The following DDX60L variants were observed in gnomAD, a reference collection of about 807,000 sequenced individuals.
DDX60L encodes the protein DExD/H-box 60 like.
DDX60L carries 191 observed loss-of-function variants against 211.6 expected under a neutral mutation model. The observed-to-expected ratio is 0.90, with a 90% confidence interval of 0.80 to 1.02. DDX60L has a LOEUF of 1.02. Ranked by LOEUF, DDX60L falls within the 50% of genes least tolerant of loss-of-function variation. The pLI is 0.00. For missense variants in DDX60L, 2,007 were observed against 1,984.1 expected, an observed-to-expected ratio of 1.01 and a Z score of -0.22; for synonymous variants, 706 against 694.1, an observed-to-expected ratio of 1.02 and a Z score of -0.27.
At chr4:168,452,085 G>A (rs769906043) in intron 8 of DDX60L, among the ~76,000 whole-genome samples, 1 of 152,122 alleles carries the variant, frequency 6.6e-6, no homozygotes, top group Non-Finnish European at 1.5e-5. Context: ...AAGTTCCATG[G>A]AAGAAGAAGA....
chr4:168,449,663 A>AAAAAAAAAAAAAAAAAAAT (rs1561098817), intron 8 of DDX60L, among the ~76,000 whole-genome samples: 2 of 62,426 alleles, frequency 3.2e-5, no homozygotes, highest in African/African-American at 7.4e-5. Flanking sequence ...AAAAAAAAAA[A>AAAAAAAAAAAAAAAAAAAT]AAGAAAAAAG....
intron 30 of DDX60L, chr4:168,380,099 T>C (rs978243723): frequency 1.7e-5 from 5 of 291,980 alleles, no homozygotes; most frequent in Admixed American, 4.9e-5. Flanking sequence ...TGGTGACCAA[T>C]AGTGGCCTGA....
chr4:168,403,096 C>T (rs1747121301), intron 25 of DDX60L, among the ~76,000 whole-genome samples: 1 of 152,120 alleles, frequency 6.6e-6, no homozygotes, highest in Non-Finnish European at 1.5e-5. Flanking sequence ...GATGTTATAA[C>T]ATGTTGGCAG....
At chr4:168,418,387 A>G (rs1410847008) in intron 19 of DDX60L, among the ~76,000 whole-genome samples, 1 of 152,196 alleles carries the variant, frequency 6.6e-6, no homozygotes, top group Non-Finnish European at 1.5e-5. Context: ...ATGTTTTAAC[A>G]TTATTGTGCT....
intron 8 of DDX60L, among the ~76,000 whole-genome samples, chr4:168,449,159 C>T (rs1354314967): frequency 2.6e-5 from 4 of 152,034 alleles, no homozygotes; most frequent in African/African-American, 9.7e-5. Flanking sequence ...TTGGGGTCAA[C>T]ACCTACCCCC....
intron 30 of DDX60L, among the ~76,000 whole-genome samples, chr4:168,383,652 C>G (rs557983452): frequency 7.2e-5 from 11 of 152,044 alleles, no homozygotes; most frequent in Non-Finnish European, 1.6e-4. Flanking sequence ...ATTTAGCTCA[C>G]GAGGGGAGTG....
intron 32 of DDX60L, 38 bp from the exon 33 acceptor site, chr4:168,378,513 T>C (rs778013545): frequency 2.5e-4 from 360 of 1,447,584 alleles, no homozygotes; most frequent in Non-Finnish European, 6.4e-5. Context: ...ATAAGAATAA[T>C]GTTGATTCCA....
chr4:168,465,733 C>T (rs1039501878), intron 4 of DDX60L, among the ~76,000 whole-genome samples: 1 of 152,150 alleles, frequency 6.6e-6, no homozygotes, highest in Non-Finnish European at 1.5e-5. Flanking sequence ...TTCCTGAGCA[C>T]CATTTACTGA....
chr4:168,389,480 G>A (rs1579317316), intron 29 of DDX60L, among the ~76,000 whole-genome samples: 1 of 152,278 alleles, frequency 6.6e-6, no homozygotes, highest in Non-Finnish European at 1.5e-5. Flanking sequence ...ACACTCCCAT[G>A]AGACTAGATT....
intron 4 of DDX60L, among the ~76,000 whole-genome samples, chr4:168,462,810 CAAAACA>C (rs3068255): frequency 6.7e-6 from 1 of 150,062 alleles, no homozygotes; most frequent in Non-Finnish European, 1.5e-5. Context: ...GACTGTGTCT[CAAAACA>C]AAAACAAAAA....
At chr4:168,411,555 C>G (rs1296527512) in intron 22 of DDX60L, among the ~76,000 whole-genome samples, 1 of 152,156 alleles carries the variant, frequency 6.6e-6, no homozygotes, top group Admixed American at 6.5e-5. Context: ...AACTGCCCAT[C>G]CCAGCAGTCG....
chr4:168,441,256 G>A, intron 10 of DDX60L, 81 bp downstream of exon 10: 1 of 1,324,484 alleles, frequency 7.6e-7, no homozygotes, highest in South Asian at 1.5e-5. Flanking sequence ...TTTACACTTG[G>A]AAGAATTGAA....
chr4:168,379,487 C>A lies in DDX60L; in HGVS notation c.4239G>T (p.Lys1413Asn). Residue 1413 changes from lysine to asparagine, a missense_variant, in exon 32 of 38, where the codon AAG (lysine) becomes AAT (asparagine). Transcript: ENST00000682922. ...LLIKEDYLNKKGNPKKFAGLA... is the reference protein window; with the variant it reads ...LLIKEDYLNKNGNPKKFAGLA... ...GTCCTGCAAATTTCTTTGGATTACC[C>A]TTTTTATTTAAATAGTCCTAAAAAT... 2 of 1,578,080 alleles carry A rather than the reference C, an allele frequency of 1.3e-6. No individual in the cohort carries two copies. Among genetic ancestry groups the A allele is most frequent in the Non-Finnish European group, 1.7e-6 (2 of 1,168,182 alleles).
At chr4:168,449,652 C>CAAAAAAAAAAAAAA in intron 8 of DDX60L, among the ~76,000 whole-genome samples, 33 of 7,920 alleles carry the variant, frequency 4.2e-3, no homozygotes, top group Non-Finnish European at 5.0e-3. Flanking sequence ...AAAAAAAATG[C>CAAAAAAAAAAAAAA]AAAAAAAAAA....
intron 4 of DDX60L, among the ~76,000 whole-genome samples, chr4:168,468,038 A>G (rs1369387381): frequency 1.3e-5 from 2 of 152,120 alleles, no homozygotes; most frequent in African/African-American, 4.8e-5. Context: ...ATGGTGGCGC[A>G]TGCCTGTAAT....
intron 27 of DDX60L, 182 bp downstream of exon 27, chr4:168,395,777 C>T: frequency 1.9e-6 from 1 of 539,642 alleles, no homozygotes; most frequent in Non-Finnish European, 3.2e-6. Flanking sequence ...AAGGAAGAGT[C>T]ACTTATAGAA....
At chr4:168,462,847 G>A (rs954035736) in intron 4 of DDX60L, among the ~76,000 whole-genome samples, 1 of 151,808 alleles carries the variant, frequency 6.6e-6, no homozygotes, top group Non-Finnish European at 1.5e-5. Context: ...CACACATGCA[G>A]CCAGTAAGCA....
intron 12 of DDX60L, among the ~76,000 whole-genome samples, chr4:168,430,989 C>G (rs1026691865): frequency 2.0e-5 from 3 of 152,142 alleles, no homozygotes; most frequent in Non-Finnish European, 1.5e-5. Flanking sequence ...ATTGGTTACA[C>G]TCTAAATGAT....
At position 168,422,519 on chromosome 4, in the gene DDX60L, A is replaced by G. The variant is rs1750796930; in HGVS notation, c.2244+5T>C. On this transcript the variant is annotated splice_donor_5th_base_variant and intron_variant, in intron 16 of 37. Coordinates refer to ENST00000682922, the MANE Select transcript of DDX60L (RefSeq NM_001012967.3). Reference sequence around the variant, plus strand: ...TTAGAAAAGTACAATGTTTGTTGTCATTACCTGCCATGCGTTGGGAATAAA... The same window carrying G: ...TTAGAAAAGTACAATGTTTGTTGTCGTTACCTGCCATGCGTTGGGAATAAA... 1.9e-6 allele frequency: 3 copies of G among 1,606,030 alleles called. No individual in the cohort carries two copies. Among genetic ancestry groups the G allele is most frequent in the Non-Finnish European group, 2.5e-6 (3 of 1,177,510 alleles).
Sources: gnomAD v4.1 joint callset for allele counts (sites outside exome capture counted in the v4.1 genomes callset) on GRCh38, gnomAD v4.1.1 for gene constraint, MANE v1.5 for transcripts, NCBI Gene and HGNC (gene_info 2026-07-23, HGNC 2026-07-21) for gene names.